The following SLC7A10 variants were observed in gnomAD, a reference collection of about 807,000 sequenced individuals.
The protein encoded by SLC7A10 is asc-type amino acid transporter 1.
Under a neutral mutation model 52.7 loss-of-function variants are expected in SLC7A10, and 30 were observed. That is an observed-to-expected ratio of 0.57 (90% CI 0.43 to 0.77). SLC7A10 has a LOEUF of 0.77. Ranked by LOEUF, SLC7A10 falls within the 30% of genes least tolerant of loss-of-function variation. SLC7A10 has a pLI of 0.00. For synonymous variants in SLC7A10, 318 were observed against 314.9 expected, an observed-to-expected ratio of 1.01 and a Z score of -0.10; for missense variants, 581 against 698.5, an observed-to-expected ratio of 0.83 and a Z score of 1.90.
Position 33,211,263 on chromosome 19 carries a change from G to A in SLC7A10, c.978C>T (p.Thr326=). The part of the protein sequence containing the change: ...WVMPVSVALS[T]FGGINGYLFT... ...ACAGGTAACCATTGATCCCTCCGAAGGTTGACAGAGCCACGGAGACAGGCA... is the reference window on the plus strand; with the variant it reads ...ACAGGTAACCATTGATCCCTCCGAAAGTTGACAGAGCCACGGAGACAGGCA... Residue 326 remains threonine, a synonymous_variant, in exon 7 of 11, where the codon ACC becomes ACT. Transcript: ENST00000253188. 1 of 1,614,018 alleles carries A rather than the reference G, an allele frequency of 6.2e-7. No homozygotes were observed. The highest frequency in any genetic ancestry group is 1.7e-5 in the Admixed American group (1 of 60,026).
At position 33,211,525 on chromosome 19, in the gene SLC7A10, G is replaced by A. The variant is rs1361162008; in HGVS notation, c.801C>T (p.Arg267=). 9 of 1,614,104 alleles carry A rather than the reference G, an allele frequency of 5.6e-6. No individual in the cohort carries two copies. The highest frequency in any genetic ancestry group is 1.7e-5 in the Admixed American group (1 of 60,030). The part of the protein sequence containing the change: ...EMVDARKNLP[R]AIFISIPLVT... ...CCAGTGGGATGGAGATGAAGATGGC[G>A]CGAGGTAGGTTCCTGGTGACAGGCA... Residue 267 remains arginine (R), a synonymous_variant, in exon 6 of 11, where the codon CGC becomes CGT. Transcript: ENST00000253188.
At position 33,211,269 on chromosome 19, in the gene SLC7A10, C is replaced by G; in HGVS notation, c.972G>C (p.Leu324=). The change falls in exon 7 of 11, where the codon CTG becomes CTC. Residue 324 remains leucine, a synonymous_variant. Coordinates refer to ENST00000253188, the MANE Select transcript of SLC7A10 (RefSeq NM_019849.3). ...AACCATTGATCCCTCCGAAGGTTGA[C>G]AGAGCCACGGAGACAGGCATGACCC... ...FSWVMPVSVA[L]STFGGINGYL... The G allele has an allele frequency of 6.2e-7, 1 of 1,614,044 alleles. No homozygotes were observed. The highest frequency in any genetic ancestry group is 8.5e-7 in the Non-Finnish European group (1 of 1,180,040).
rs755736645 is a variant in SLC7A10, at chr19:33,209,468, G to T, written c.1281C>A (p.Pro427=). 6 of 1,613,888 alleles carry T rather than the reference G, an allele frequency of 3.7e-6. No homozygotes were observed. The South Asian group carries it at 6.6e-5, about 18-fold the overall frequency. The change falls in exon 10 of 11, where the codon CCC becomes CCA. Residue 427 remains proline (P), a synonymous_variant. Transcript: ENST00000253188. ...HRPIKVNLLI[P]VAYLVFWAFL... ...AGGCCCAGAAGACCAAGTACGCCACGGGGATGAGAAGGTTCACCTGGGGAA... is the reference window on the plus strand; with the variant it reads ...AGGCCCAGAAGACCAAGTACGCCACTGGGATGAGAAGGTTCACCTGGGGAA...
In SLC7A10 at chr19:33,212,882, T is replaced by C. The variant is rs139934183; in HGVS notation, c.477A>G (p.Thr159=). 344 of 1,613,724 alleles carry C rather than the reference T, an allele frequency of 2.1e-4. 1 individual carries two copies. Among genetic ancestry groups the C allele is most frequent in the Non-Finnish European group, 2.7e-4 (324 of 1,179,938 alleles). Residue 159 remains threonine, a synonymous_variant, in exon 3 of 11, where the codon ACA becomes ACG. Coordinates refer to ENST00000253188, the MANE Select transcript of SLC7A10 (RefSeq NM_019849.3). ...AGGCCATGGACAGCACCCGGGAGGC[T>C]GTGGTGGGGGGGATGCAGTTGGGGA... ...PVFPNCIPPT[T]ASRVLSMACL...
At chr19:33,217,035 G>T (rs1422084026) in intron 1 of SLC7A10, among the ~76,000 whole-genome samples, 1 of 150,028 alleles carries the variant, frequency 6.7e-6, no homozygotes, top group African/African-American at 2.4e-5. Context: ...ACCACACCCA[G>T]GTTTTTTTTT....
chr19:33,224,670 C>G (rs1403760146), intron 1 of SLC7A10, among the ~76,000 whole-genome samples: 1 of 152,224 alleles, frequency 6.6e-6, no homozygotes, highest in Non-Finnish European at 1.5e-5. Context: ...CTGTCCCTCC[C>G]TGGAGGGGCT....
chr19:33,213,379 C>T (rs1974601799), intron 2 of SLC7A10, among the ~76,000 whole-genome samples: 1 of 151,762 alleles, frequency 6.6e-6, no homozygotes, highest in South Asian at 2.1e-4. Context: ...ACCTCCACCT[C>T]TCGGGTTCAT....
Position 33,209,008 on chromosome 19 carries a change from GTGT to G in SLC7A10, c.1452_1454del (p.His485del). 1 of 1,613,798 alleles carries G rather than the reference GTGT, an allele frequency of 6.2e-7. No individual in the cohort carries two copies. Among genetic ancestry groups the G allele is most frequent in the Non-Finnish European group, 8.5e-7 (1 of 1,180,016 alleles). On this transcript the variant is annotated inframe_deletion, in exon 11 of 11. Transcript: ENST00000253188. ...CCACGAAACACAGCTCCTGGCCCCA[GTGT>G]GTCATGGACTCTGAGGACAGACAGA... is the stretch of plus-strand genomic sequence containing the variant.
At chr19:33,211,706 CCTGCCCCACCCCCA>C (rs1393035311) in intron 5 of SLC7A10, 169 bp from the exon 6 acceptor site, 3 of 1,282,044 alleles carry the variant, frequency 2.3e-6, no homozygotes, top group East Asian at 5.0e-5. Flanking sequence ...TGTTGTCTGC[CCTGCCCCACCCCCA>C]CCTGGACACA....
In SLC7A10 at chr19:33,213,873, G is replaced by C. The variant is rs531717206; in HGVS notation, c.357-871C>G. 2.5e-3 allele frequency among the ~76,000 whole-genome samples: 375 copies of C among 152,264 alleles called. 2 individuals carry two copies. Among genetic ancestry groups the C allele is most frequent in the Non-Finnish European group, 4.6e-3 (312 of 67,992 alleles). On this transcript the variant is annotated intron_variant, in intron 2 of 10. Coordinates refer to ENST00000253188, the MANE Select transcript of SLC7A10 (RefSeq NM_019849.3). The stretch of plus-strand genomic sequence containing the variant: ...ACTGTGAGTCTGACCTGTTCTCAGG[G>C]GCTTTCCTGCACCCAGGGGTGGGTC...
chr19:33,212,706 A>G, intron 3 of SLC7A10, 67 bp from the exon 4 acceptor site: 1 of 1,611,774 alleles, frequency 6.2e-7, no homozygotes, highest in Non-Finnish European at 8.5e-7. Context: ...GGCCAAGTCC[A>G]GCCCAGGCGG....
At chr19:33,216,010 G>A (rs1405316757) in intron 1 of SLC7A10, 37 bp from the exon 2 acceptor site, 2 of 1,518,174 alleles carry the variant, frequency 1.3e-6, no homozygotes, top group African/African-American at 1.4e-5. Context: ...CAGGCCTGGG[G>A]TCCCCTTCGC....
At position 33,225,633 on chromosome 19, in the gene SLC7A10, G is replaced by C. The variant is rs1316420225; in HGVS notation, c.71C>G (p.Pro24Arg). 6.3e-7 allele frequency: 1 copy of C among 1,589,324 alleles called. No homozygotes were observed. The change falls in exon 1 of 11, where the codon CCA becomes CGA. Residue 24 changes from proline (P) to arginine (R), a missense_variant. Physicochemically the swap from Pro to Arg is moderately radical, Grantham distance 103. Transcript: ENST00000253188. ...PRPAPSPSPV[P>R]GTVPGASERV... ...CTCCGAGGCGCCGGGGACGGTCCCT[G>C]GGACTGGGGAGGGCGAGGGCGCAGG...
Position 33,208,892 on chromosome 19 carries a change from CATT to C in SLC7A10, c.1568_1570del (p.Gln523_Ter524delinsArg), listed in dbSNP as rs762639324. 1 of 1,583,672 alleles carries C rather than the reference CATT, an allele frequency of 6.3e-7. No individual in the cohort carries two copies. The highest frequency in any genetic ancestry group is 1.1e-5 in the South Asian group (1 of 90,656). On this transcript the variant is annotated stop_lost and inframe_deletion, in exon 11 of 11. Transcript: ENST00000253188. This position sits in a 1 kb window ranked among gnomAD's most constrained non-coding sequence, Gnocchi z 4.7. ...ACTGCTTCAGTCTCTACAAAAATCT[CATT>C]GTGGCTTCGAGGGCTTGTCTGTGGC...
At chr19:33,221,019 C>T (rs1974801332) in intron 1 of SLC7A10, 1 of 152,544 alleles carries the variant, frequency 6.6e-6, no homozygotes, top group Non-Finnish European at 1.5e-5. Context: ...GACCGGCCTT[C>T]CTCCTCCCAC....
At chr19:33,218,743 C>G (rs1034466478) in intron 1 of SLC7A10, among the ~76,000 whole-genome samples, 1 of 142,076 alleles carries the variant, frequency 7.0e-6, no homozygotes, top group Non-Finnish European at 1.5e-5. Flanking sequence ...GTCTCGAACT[C>G]CTGACCTCAA....
At chr19:33,225,280 C>T (rs867309923) in intron 1 of SLC7A10, among the ~76,000 whole-genome samples, 12 of 152,244 alleles carry the variant, frequency 7.9e-5, no homozygotes, top group African/African-American at 2.9e-4. Context: ...GCAAAAGCCC[C>T]GCAGCAAAAT....
In SLC7A10 at chr19:33,208,686, A is replaced by G; in HGVS notation, c.*205T>C. On this transcript the variant is annotated 3_prime_UTR_variant, in exon 11 of 11. Transcript: ENST00000253188. The surrounding 1 kb of genome is among the most constrained non-coding windows in gnomAD (Gnocchi z 4.7). ...AGCGAACAGCCAGCCCTGTTTATTT[A>G]TAGGCCTTTTCAGGAAGAGCTAGCA... 1.5e-6 allele frequency: 1 copy of G among 655,562 alleles called. No homozygotes were observed. Among genetic ancestry groups the G allele is most frequent in the Non-Finnish European group, 2.6e-6 (1 of 386,224 alleles). The allele number at this position is 655,562 out of a possible 1,614,324, so 40.6% of individuals were successfully genotyped here. A position where few individuals can be genotyped will look rare whatever the true frequency, so the allele number is the denominator to read the frequency against.
chr19:33,208,814 C>T lies in SLC7A10; in HGVS notation c.*77G>A. ...CTTTTTTTTCCAGAAAAAAACAAAA[C>T]AAAACTTTTTTGCCAAAACACCTCC... On this transcript the variant is annotated 3_prime_UTR_variant, in exon 11 of 11. Transcript: ENST00000253188. This position sits in a 1 kb window ranked among gnomAD's most constrained non-coding sequence, Gnocchi z 4.7. 6.3e-7 allele frequency: 1 copy of T among 1,575,796 alleles called. No individual in the cohort carries two copies. The highest frequency in any genetic ancestry group is 8.7e-7 in the Non-Finnish European group (1 of 1,155,928).
Sources: gnomAD v4.1 joint callset for allele counts (sites outside exome capture counted in the v4.1 genomes callset) on GRCh38, gnomAD v4.1.1 for gene constraint, Gnocchi (gnomAD v3.1) non-coding constraint, MANE v1.5 for transcripts, NCBI Gene and HGNC (gene_info 2026-07-23, HGNC 2026-07-21) for gene names.